Variants in DRC3 observed in about 807,000 individuals in gnomAD.
The protein encoded by DRC3 is dynein regulatory complex subunit 3, also known as leucine rich repeat containing 48.
DRC3 carries 45 observed loss-of-function variants against 57.6 expected under a neutral mutation model. The observed-to-expected ratio is 0.78, with a 90% CI of 0.62 to 1.00. The LOEUF (loss-of-function observed/expected upper bound fraction) is 1.00, where lower values mean the gene tolerates loss of function less well. DRC3 is among the 50% of genes least tolerant of loss of function. DRC3 has a pLI of 0.00. For missense variants in DRC3, 655 were observed against 675.2 expected (o/e 0.97, Z 0.33); for synonymous variants, 257 against 272.3 (o/e 0.94, Z 0.55).
chr17:17,989,028 C>T (rs2043099717), intron 5 of DRC3, among the ~76,000 whole-genome samples: 1 of 152,168 alleles, frequency 6.6e-6, no homozygotes, highest in Admixed American at 6.5e-5. Context: ...GAATGTAACG[C>T]ATTTGGTTCG....
rs1317155938 is a variant in DRC3 at position 18,007,077 on chromosome 17, T to G, written c.1256T>G (p.Ile419Ser). 2 of 1,501,744 alleles carry G rather than the reference T, an allele frequency of 1.3e-6. No individual in the cohort carries two copies. The highest frequency in any genetic ancestry group is 3.2e-5 in the African/African-American group (2 of 61,598). 93.0% of individuals were successfully genotyped at this position (1,501,744 alleles called of 1,614,324 possible). Reference protein sequence around the residue: ...ENHHHEKLLEISISTLEKIVE... With the variant: ...ENHHHEKLLESSISTLEKIVE... ...CACCACCACGAGAAGCTCCTGGAGA[T>G]CTCTATCAGCACCCTGGAGAAGATT... Residue 419 changes from isoleucine to serine, a missense_variant, in exon 12 of 14, where the codon ATC becomes AGC. By Grantham distance (142) the Ile-to-Ser change is moderately radical. Coordinates refer to ENST00000399187, the MANE Select transcript of DRC3 (RefSeq NM_031294.4).
intron 12 of DRC3, chr17:18,011,301 C>T (rs2044159310): frequency 5.8e-6 from 2 of 345,058 alleles, no homozygotes. Context: ...AGCAGACCTG[C>T]CCCAGCCAGC....
intron 9 of DRC3, among the ~76,000 whole-genome samples, chr17:17,998,765 T>C (rs557568806): frequency 6.6e-6 from 1 of 152,322 alleles, no homozygotes; most frequent in South Asian, 2.1e-4. Context: ...CTCCTTGTTA[T>C]ATTTTAGGGA....
Position 18,007,746 on chromosome 17 carries a change from A to G in DRC3, c.1326+599A>G, listed in dbSNP as rs77646294. 838 of 1,174,308 alleles carry G rather than the reference A, an allele frequency of 7.1e-4. 13 individuals carry two copies. The East Asian group carries it at 0.035, about 49-fold the overall frequency. 72.7% of individuals were successfully genotyped at this position (1,174,308 alleles called of 1,614,324 possible). A position where few individuals can be genotyped will look rare whatever the true frequency, so the allele number is the denominator to read the frequency against. On this transcript the variant is annotated intron_variant, in intron 12 of 13. Coordinates refer to ENST00000399187, the MANE Select transcript of DRC3 (RefSeq NM_031294.4). Reference sequence around the variant, plus strand: ...GAAGGAGTGTGGGCATCAAGGGCCCAGACAGAGATACTATGTTGTCAGGGC... The same window carrying G: ...GAAGGAGTGTGGGCATCAAGGGCCCGGACAGAGATACTATGTTGTCAGGGC...
chr17:17,988,300 G>A, intron 5 of DRC3: 1 of 598,416 alleles, frequency 1.7e-6, no homozygotes, highest in South Asian at 2.0e-5. Context: ...ATTCATCGGA[G>A]AGCACTAGTT....
intron 10 of DRC3, chr17:18,005,879 CTGTG>C (rs147320981): frequency 1.4e-4 from 51 of 355,558 alleles, no homozygotes; most frequent in Admixed American, 2.0e-4. Context: ...AGGGGGTTGG[CTGTG>C]TGTGTGTGTG....
intron 11 of DRC3, 153 bp downstream of exon 11, chr17:18,006,406 C>G (rs1049338876): frequency 3.2e-6 from 2 of 624,262 alleles, no homozygotes; most frequent in Non-Finnish European, 5.7e-6. Context: ...GGTTTGGATG[C>G]CCAGAGGGAC....
intron 12 of DRC3, among the ~76,000 whole-genome samples, chr17:18,009,008 A>G (rs2044077407): frequency 6.6e-6 from 1 of 152,110 alleles, no homozygotes; most frequent in African/African-American, 2.4e-5. Flanking sequence ...GTGCCAGCTG[A>G]CCACCATTCC....
chr17:17,988,286 C>A, intron 5 of DRC3, 188 bp downstream of exon 5: 1 of 625,974 alleles, frequency 1.6e-6, no homozygotes, highest in Non-Finnish European at 2.7e-6. Context: ...GCTTACCCAA[C>A]AAAATTCATC....
At chr17:17,982,340 C>T (rs1319581333) in intron 3 of DRC3, among the ~76,000 whole-genome samples, 9 of 151,424 alleles carry the variant, frequency 5.9e-5, no homozygotes, top group East Asian at 3.9e-4. Context: ...CTCAGCCTCC[C>T]GAGTAGCTGG....
In DRC3 at chr17:17,994,372, A is replaced by G; in HGVS notation, c.665A>G (p.Gln222Arg). ...LKHQENLMQA[Q>R]LEDEQAQREE... ...CACCAGGAGAACCTGATGCAGGCCC[A>G]GCTGGAGGACGAGCAGGCGCAGCGG... Residue 222 changes from glutamine (Q) to arginine (R), a missense_variant, in exon 7 of 14, where the codon CAG becomes CGG. Coordinates refer to ENST00000399187, the MANE Select transcript of DRC3 (RefSeq NM_031294.4). The G allele has an allele frequency of 6.4e-7, 1 of 1,555,414 alleles. No homozygotes were observed. Among genetic ancestry groups the G allele is most frequent in the Non-Finnish European group, 8.7e-7 (1 of 1,149,486 alleles).
chr17:18,009,171 T>C (rs146563091), intron 12 of DRC3, among the ~76,000 whole-genome samples: 73 of 152,300 alleles, frequency 4.8e-4, no homozygotes, highest in African/African-American at 1.7e-3. Flanking sequence ...AACATCACTT[T>C]GAAAGGCTGA....
Position 18,008,995 on chromosome 17 carries a change from C to A in DRC3, c.1326+1848C>A, listed in dbSNP as rs2044076974. Among the ~76,000 whole-genome samples the A allele has an allele frequency of 6.6e-6, 1 of 152,104 alleles. No homozygotes were observed. The highest frequency in any genetic ancestry group is 2.4e-5 in the African/African-American group (1 of 41,418). On this transcript the variant is annotated intron_variant, in intron 12 of 13. Transcript: ENST00000399187. This position sits in a 1 kb window ranked among gnomAD's most constrained non-coding sequence, Gnocchi z 4.3. ...CTCCCTCCAGCCCAGCTGGCTCTGC[C>A]TGGTGCCAGCTGACCACCATTCCTG... is the stretch of plus-strand genomic sequence containing the variant.
chr17:17,999,132 G>A (rs530702419), intron 9 of DRC3, among the ~76,000 whole-genome samples: 2 of 152,300 alleles, frequency 1.3e-5, no homozygotes, highest in South Asian at 2.1e-4. Context: ...CCTCAGCAGC[G>A]AGTCCCTCTG....
At chr17:17,996,841 G>A (rs1436812692) in intron 8 of DRC3, among the ~76,000 whole-genome samples, 1 of 152,160 alleles carries the variant, frequency 6.6e-6, no homozygotes, top group Non-Finnish European at 1.5e-5. Context: ...CCAAGGTCCT[G>A]TAGGCTTTAC....
Position 18,007,155 on chromosome 17 carries a change from G to A in DRC3, c.1326+8G>A. On this transcript the variant is annotated splice_region_variant and intron_variant, in intron 12 of 13. Transcript: ENST00000399187. ...CCTAACGACCTGCGCGCGGTAGGCG[G>A]GGCGGGCTGCTCGGAGCCTGACAGA... 2.0e-6 allele frequency: 2 copies of A among 1,001,968 alleles called. No homozygotes were observed. The highest frequency in any genetic ancestry group is 2.8e-6 in the Non-Finnish European group (2 of 707,220). 62.1% of individuals were successfully genotyped at this position (1,001,968 alleles called of 1,614,324 possible).
rs1395402233 is a variant in DRC3 at position 17,994,307 on chromosome 17, T to C, written c.600T>C (p.Leu200=). The change falls in exon 7 of 14, where the codon CTT becomes CTC. Residue 200 remains leucine (L), a synonymous_variant. Transcript: ENST00000399187. ...YRRIDDHTKK[L]AEAKHQYSID... ...TCCCGTTCCCTGGTCAGAAAAAGCT[T>C]GCGGAGGCTAAGCACCAGTACAGCA... is the stretch of plus-strand genomic sequence containing the variant. The C allele has an allele frequency of 6.4e-7, 1 of 1,552,176 alleles. No homozygotes were observed. The highest frequency in any genetic ancestry group is 2.0e-5 in the Admixed American group (1 of 51,020).
intron 2 of DRC3, among the ~76,000 whole-genome samples, chr17:17,976,791 C>T (rs1315992925): frequency 6.6e-6 from 1 of 152,190 alleles, no homozygotes; most frequent in East Asian, 1.9e-4. Flanking sequence ...ACATTAGGGA[C>T]TGGAAAGCCA....
chr17:18,006,061 G>A (rs1425037763), intron 10 of DRC3, 122 bp from the exon 11 acceptor site: 1 of 709,592 alleles, frequency 1.4e-6, no homozygotes, highest in East Asian at 2.7e-5. Flanking sequence ...GGGTCAAGAT[G>A]GGTGGTCTTT....
Sources: gnomAD v4.1 joint callset for allele counts (sites outside exome capture counted in the v4.1 genomes callset) on GRCh38, gnomAD v4.1.1 for gene constraint, Gnocchi (gnomAD v3.1) non-coding constraint, MANE v1.5 for transcripts, NCBI Gene and HGNC (gene_info 2026-07-23, HGNC 2026-07-21) for gene names.